Variants in LSAMP observed in about 807,000 individuals in gnomAD.
LSAMP encodes limbic system associated membrane protein.
A neutral mutation model predicts 38.6 loss-of-function variants in LSAMP; 7 were observed. That is an observed-to-expected ratio of 0.18 (90% CI 0.10 to 0.34). LSAMP has a LOEUF of 0.34. Ranked by LOEUF, LSAMP falls within the 10% of genes least tolerant of loss-of-function variation. LSAMP has a pLI of 1.00. For synonymous variants in LSAMP, 154 were observed against 166.8 expected (o/e 0.92, Z 0.59); for missense variants, 313 against 420.0 (o/e 0.75, Z 2.23).
At chr3:115,962,427 C>T (rs748853934) in intron 3 of LSAMP, among the ~76,000 whole-genome samples, 60 of 152,180 alleles carry the variant, frequency 3.9e-4, no homozygotes, top group Non-Finnish European at 7.8e-4. Context: ...TAATGACACA[C>T]CGTGGCATAG....
intron 1 of LSAMP, among the ~76,000 whole-genome samples, chr3:116,416,291 A>AGT (rs1445398882): frequency 6.6e-6 from 1 of 152,146 alleles, no homozygotes; most frequent in East Asian, 1.9e-4. Flanking sequence ...TTTGTACCAG[A>AGT]ACTGGAAAAG....
chr3:116,115,458 T>A (rs1708719791), intron 1 of LSAMP, among the ~76,000 whole-genome samples: 2 of 152,230 alleles, frequency 1.3e-5, no homozygotes, highest in Non-Finnish European at 2.9e-5. Flanking sequence ...CTGAACTGTT[T>A]GCTCTTACAT....
chr3:116,279,152 T>A (rs1387777451), intron 1 of LSAMP, among the ~76,000 whole-genome samples: 1 of 152,204 alleles, frequency 6.6e-6, no homozygotes, highest in Admixed American at 6.5e-5. Flanking sequence ...TAATTCTATG[T>A]GTCCCTGGGA....
At chr3:116,087,286 C>A (rs565470213) in intron 1 of LSAMP, among the ~76,000 whole-genome samples, 43 of 152,138 alleles carry the variant, frequency 2.8e-4, no homozygotes, top group African/African-American at 9.6e-4. Flanking sequence ...AGTTTATAGA[C>A]CAATAGATCA....
intron 1 of LSAMP, among the ~76,000 whole-genome samples, chr3:116,271,553 A>G (rs1229876124): frequency 1.3e-5 from 2 of 152,188 alleles, no homozygotes; most frequent in African/African-American, 4.8e-5. Flanking sequence ...TGGAAGAATC[A>G]AAATAACAAA....
intron 2 of LSAMP, among the ~76,000 whole-genome samples, chr3:116,034,579 C>T (rs59681834): frequency 0.059 from 9,005 of 152,142 alleles, 859 homozygotes; most frequent in African/African-American, 0.2. Context: ...AGGGAGTTAA[C>T]GAATCTTCAA....
intron 2 of LSAMP, among the ~76,000 whole-genome samples, chr3:116,071,257 AAG>A (rs1213558983): frequency 1.3e-5 from 2 of 150,992 alleles, no homozygotes; most frequent in Non-Finnish European, 3.0e-5. Context: ...AGAAATATAA[AAG>A]GGGGAAAAGG....
At chr3:116,250,527 C>T (rs544516258) in intron 1 of LSAMP, among the ~76,000 whole-genome samples, 2 of 152,008 alleles carry the variant, frequency 1.3e-5, no homozygotes, top group Non-Finnish European at 2.9e-5. Flanking sequence ...TATTTTCTAC[C>T]TTCATAAATG....
intron 1 of LSAMP, among the ~76,000 whole-genome samples, chr3:116,141,417 G>GA (rs34946276): frequency 1.3e-5 from 2 of 151,102 alleles, no homozygotes; most frequent in African/African-American, 4.9e-5. Flanking sequence ...ATTATACCTA[G>GA]AAAAAAAAAG....
At chr3:116,262,705 ATAAATCATTCAGCATATC>A (rs2046839625) in intron 1 of LSAMP, among the ~76,000 whole-genome samples, 1 of 152,246 alleles carries the variant, frequency 6.6e-6, no homozygotes, top group Non-Finnish European at 1.5e-5. Context: ...ATTTCAGGTC[ATAAATCATTCAGCATATC>A]TTGATAGAGG....
chr3:116,409,533 C>T (rs1169312426), intron 1 of LSAMP, among the ~76,000 whole-genome samples: 1 of 151,978 alleles, frequency 6.6e-6, no homozygotes, highest in Admixed American at 6.6e-5. Context: ...CCCTGCAATC[C>T]ATTCTTTAAA....
At chr3:115,849,873 A>G (rs1468355502) in intron 4 of LSAMP, among the ~76,000 whole-genome samples, 1 of 152,242 alleles carries the variant, frequency 6.6e-6, no homozygotes, top group African/African-American at 2.4e-5. Context: ...ATATGTTTCA[A>G]GATTTGTGAC....
chr3:116,199,325 T>C (rs1017670527), intron 1 of LSAMP, among the ~76,000 whole-genome samples: 1 of 152,232 alleles, frequency 6.6e-6, no homozygotes, highest in Non-Finnish European at 1.5e-5. Context: ...CCAGGATGCC[T>C]TTCCTGATAT....
chr3:115,829,140 C>T (rs574499177), intron 6 of LSAMP, among the ~76,000 whole-genome samples: 9 of 152,118 alleles, frequency 5.9e-5, no homozygotes, highest in Admixed American at 5.9e-4. Context: ...TTCTTGCTAG[C>T]AACTTTTAGC....
intron 1 of LSAMP, among the ~76,000 whole-genome samples, chr3:116,328,317 T>C (rs1335596979): frequency 2.0e-5 from 3 of 152,208 alleles, no homozygotes; most frequent in African/African-American, 7.2e-5. Context: ...ACACTGATGA[T>C]GGGAAATTAG....
At chr3:115,878,061 G>T (rs1352264741) in intron 3 of LSAMP, among the ~76,000 whole-genome samples, 1 of 152,248 alleles carries the variant, frequency 6.6e-6, no homozygotes, top group Non-Finnish European at 1.5e-5. Context: ...AGACACGATT[G>T]TTCTGCAGTA....
At chr3:116,294,529 GA>G (rs1017155801) in intron 1 of LSAMP, among the ~76,000 whole-genome samples, 1 of 151,986 alleles carries the variant, frequency 6.6e-6, no homozygotes, top group Non-Finnish European at 1.5e-5. Context: ...AAAGAACAAA[GA>G]TTTTTTTTGG....
Position 116,443,152 on chromosome 3 carries a change from C to T in LSAMP, c.155+1725G>A, listed in dbSNP as rs551156344. Among the ~76,000 whole-genome samples the T allele has an allele frequency of 2.6e-5, 4 of 152,258 alleles. No homozygotes were observed. In the South Asian group the frequency reaches 8.3e-4, roughly 32 times the overall value. On this transcript the variant is annotated intron_variant, in intron 1 of 6. Transcript: ENST00000490035. ...CATATATTTATATAGAGTGCTTCACCATTAAAGGGTTAATGATGTTAGGGA... is the reference window on the plus strand; with the variant it reads ...CATATATTTATATAGAGTGCTTCACTATTAAAGGGTTAATGATGTTAGGGA...
rs150849485 is a variant in LSAMP, at chr3:116,358,034, A to G, written c.155+86843T>C. 3.3e-5 allele frequency among the ~76,000 whole-genome samples: 5 copies of G among 152,260 alleles called. No homozygotes were observed. In the East Asian group the frequency reaches 9.7e-4, roughly 29 times the overall value. ...TCTCTTTGGGTTTCCTCCTTATGAT[A>G]CATGAGTTCCAATTACTTTCTATCC... On this transcript the variant is annotated intron_variant, in intron 1 of 6. Transcript: ENST00000490035.
Sources: gnomAD v4.1 joint callset for allele counts (sites outside exome capture counted in the v4.1 genomes callset) on GRCh38, gnomAD v4.1.1 for gene constraint, MANE v1.5 for transcripts, NCBI Gene and HGNC (gene_info 2026-07-23, HGNC 2026-07-21) for gene names.